Variants in GABRA3 observed in about 807,000 individuals in gnomAD.
The protein encoded by GABRA3 is gamma-aminobutyric acid type A receptor subunit alpha3.
GABRA3 carries 10 observed loss-of-function variants against 30.1 expected under a neutral mutation model. The ratio of observed to expected loss-of-function variants is 0.33; its 90% confidence interval spans 0.20 to 0.56. GABRA3 has a LOEUF of 0.56. Among genes scored for constraint, GABRA3 ranks in the 20% least tolerant of loss-of-function variants. The pLI is 0.89. For synonymous variants in GABRA3, 151 were observed against 146.8 expected (o/e 1.03, Z -0.21); for missense variants, 233 against 392.0 (o/e 0.59, Z 3.42).
At chrX:152,296,715 T>A (rs968797377) in intron 3 of GABRA3, among the ~76,000 whole-genome samples, 1 of 109,341 alleles carries the variant, frequency 9.1e-6, no homozygotes, top group African/African-American at 3.3e-5. Flanking sequence ...TTTTTTTTTT[T>A]TTGAGACAGA....
At chrX:152,200,030 C>A (rs1216912995) in intron 7 of GABRA3, among the ~76,000 whole-genome samples, 1 of 112,018 alleles carries the variant, frequency 8.9e-6, no homozygotes, top group Non-Finnish European at 1.9e-5. Context: ...CTGTCCTTGA[C>A]TCCTCTTCAA....
intron 3 of GABRA3, among the ~76,000 whole-genome samples, chrX:152,328,502 C>T (rs935886407): frequency 4.5e-5 from 5 of 111,800 alleles, no homozygotes; most frequent in African/African-American, 1.6e-4. Flanking sequence ...TTATCCACCA[C>T]GATCAAGTTA....
At chrX:152,219,395 CT>C (rs980315404) in intron 6 of GABRA3, among the ~76,000 whole-genome samples, 5 of 111,506 alleles carry the variant, frequency 4.5e-5, no homozygotes, top group African/African-American at 1.6e-4. Flanking sequence ...TATGTGGAAA[CT>C]CCTTCCTGAC....
chrX:152,402,467 A>G (rs1168972116), intron 1 of GABRA3, among the ~76,000 whole-genome samples: 1 of 111,945 alleles, frequency 8.9e-6, no homozygotes, highest in East Asian at 2.8e-4. Context: ...CACTTCCTCT[A>G]CTGAGTCTCA....
At chrX:152,448,994 C>A (rs1476980894) in intron 1 of GABRA3, among the ~76,000 whole-genome samples, 1 of 111,341 alleles carries the variant, frequency 9.0e-6, no homozygotes, top group Non-Finnish European at 1.9e-5. Context: ...TTGTGGCTAA[C>A]AAAACAAGTG....
At chrX:152,432,320 G>C (rs1930667498) in intron 1 of GABRA3, among the ~76,000 whole-genome samples, 1 of 111,596 alleles carries the variant, frequency 9.0e-6, no homozygotes, top group South Asian at 3.7e-4. Context: ...GTTGCTTCTA[G>C]GAAGCTGGGC....
chrX:152,284,475 A>T (rs935696449), intron 4 of GABRA3, among the ~76,000 whole-genome samples, 193 bp downstream of exon 4: 3 of 111,456 alleles, frequency 2.7e-5, no homozygotes, highest in African/African-American at 9.8e-5. Flanking sequence ...GGGTATATAC[A>T]TTATATGTGA....
At chrX:152,222,597 G>T (rs1937863673) in intron 6 of GABRA3, among the ~76,000 whole-genome samples, 1 of 108,742 alleles carries the variant, frequency 9.2e-6, no homozygotes, top group African/African-American at 3.3e-5. Flanking sequence ...AGGTCTCATG[G>T]GCCTGCCTAT....
intron 6 of GABRA3, among the ~76,000 whole-genome samples, chrX:152,210,636 T>A (rs973199506): frequency 6.2e-5 from 7 of 112,315 alleles, no homozygotes; most frequent in Non-Finnish European, 1.1e-4. Context: ...AATGTGGAAT[T>A]TTATATGACA....
At chrX:152,211,713 G>C (rs1020792684) in intron 6 of GABRA3, among the ~76,000 whole-genome samples, 2 of 111,188 alleles carry the variant, frequency 1.8e-5, no homozygotes, top group African/African-American at 6.5e-5. Context: ...GTGCAATTTG[G>C]AATATAGGAG....
intron 1 of GABRA3, among the ~76,000 whole-genome samples, chrX:152,422,613 T>C (rs896249613): frequency 1.8e-5 from 2 of 111,474 alleles, no homozygotes; most frequent in African/African-American, 3.3e-5. Flanking sequence ...TAAATGGAAA[T>C]ATAGCACGTT....
intron 1 of GABRA3, among the ~76,000 whole-genome samples, chrX:152,382,549 G>A (rs1205898081): frequency 9.0e-6 from 1 of 111,675 alleles, no homozygotes; most frequent in Non-Finnish European, 1.9e-5. Context: ...TTTTGCTTTT[G>A]TTGCCTGTGC....
chrX:152,346,908 C>A (rs1940400598), intron 2 of GABRA3, among the ~76,000 whole-genome samples: 1 of 111,741 alleles, frequency 8.9e-6, no homozygotes, highest in African/African-American at 3.2e-5. Context: ...TAAATTAGTA[C>A]AACCACTATG....
In GABRA3 at chrX:152,343,862, T is replaced by C. The variant is rs73626611; in HGVS notation, c.262+1719A>G. 5.5e-3 allele frequency among the ~76,000 whole-genome samples: 621 copies of C among 112,419 alleles called. 6 individuals carry two copies. The highest frequency in any genetic ancestry group is 0.02 in the African/African-American group (606 of 30,991). On this transcript the variant is annotated intron_variant, in intron 3 of 9. Transcript: ENST00000370314. Reference sequence around the variant, plus strand: ...TTGTAGGATTAAACAAATGGGTACATGTATCAATTAAAAGTACTTGTTGGA... The same window carrying C: ...TTGTAGGATTAAACAAATGGGTACACGTATCAATTAAAAGTACTTGTTGGA...
intron 3 of GABRA3, among the ~76,000 whole-genome samples, chrX:152,295,519 TCTC>T (rs1263249485): frequency 2.7e-5 from 3 of 112,984 alleles, no homozygotes; most frequent in Admixed American, 1.9e-4. Flanking sequence ...TGGGATATAA[TCTC>T]CTGCTCTGCC....
chrX:152,183,183 A>C (rs1384247378), intron 9 of GABRA3, among the ~76,000 whole-genome samples: 3 of 110,060 alleles, frequency 2.7e-5, no homozygotes, highest in Non-Finnish European at 5.7e-5. Context: ...TGAAGACATC[A>C]GGTCCTGGGC....
intron 8 of GABRA3, among the ~76,000 whole-genome samples, chrX:152,196,328 C>A (rs370968179): frequency 1.0e-5 from 1 of 96,993 alleles, no homozygotes; most frequent in East Asian, 3.3e-4. Flanking sequence ...ACCTGAGAGG[C>A]GGGGGGTTGC....
At chrX:152,382,414 C>A (rs766311497) in intron 1 of GABRA3, among the ~76,000 whole-genome samples, 2 of 112,198 alleles carry the variant, frequency 1.8e-5, no homozygotes, top group East Asian at 2.8e-4. Flanking sequence ...TTTGACCCAG[C>A]AATCCCATTA....
chrX:152,340,621 C>T (rs1940299889), intron 3 of GABRA3, among the ~76,000 whole-genome samples: 1 of 112,124 alleles, frequency 8.9e-6, no homozygotes, highest in Non-Finnish European at 1.9e-5. Context: ...CCTAGGATGG[C>T]TTTTGTTCTT....
Sources: allele counts gnomAD v4.1 joint callset (sites outside exome capture counted in the v4.1 genomes callset), GRCh38; gene constraint gnomAD v4.1.1; transcripts MANE v1.5; gene names NCBI Gene and HGNC (gene_info 2026-07-23, HGNC 2026-07-21).